ANKS1B: variants seen among roughly 807,000 people sequenced by gnomAD.
ANKS1B encodes ankyrin repeat and sterile alpha motif domain-containing protein 1B.
In ANKS1B, 36 loss-of-function variants were observed where a neutral mutation model predicts 148.3. That is an observed-to-expected ratio of 0.24 (90% confidence interval 0.19 to 0.32). ANKS1B has a LOEUF of 0.32. ANKS1B is among the 10% of genes least tolerant of loss of function. The pLI is 1.00. For synonymous variants in ANKS1B, 542 were observed against 560.8 expected (o/e 0.97, Z 0.47); for missense variants, 1,157 against 1,542.6 (o/e 0.75, Z 4.19).
At chr12:99,027,943 T>C (rs1002897393) in intron 17 of ANKS1B, among the ~76,000 whole-genome samples, 1 of 152,210 alleles carries the variant, frequency 6.6e-6, no homozygotes, top group Middle Eastern at 3.2e-3. Flanking sequence ...AGAGAATGCA[T>C]ATATCAAAAG....
At chr12:99,380,447 A>T (rs2093594282) in intron 12 of ANKS1B, among the ~76,000 whole-genome samples, 1 of 152,178 alleles carries the variant, frequency 6.6e-6, no homozygotes, top group East Asian at 1.9e-4. Context: ...TTCTAGAAAT[A>T]TTTAGGAAAC....
intron 8 of ANKS1B, among the ~76,000 whole-genome samples, chr12:99,675,708 A>T (rs2098560985): frequency 6.6e-6 from 1 of 151,926 alleles, no homozygotes; most frequent in Non-Finnish European, 1.5e-5. Context: ...TTTTTACTCA[A>T]GGATATTTAT....
intron 4 of ANKS1B, among the ~76,000 whole-genome samples, chr12:99,794,608 C>T (rs1439354482): frequency 6.6e-6 from 1 of 151,804 alleles, no homozygotes; most frequent in Non-Finnish European, 1.5e-5. Flanking sequence ...GAAAGACAGA[C>T]ATCACATGTT....
At chr12:99,335,908 T>C (rs1159229259) in intron 12 of ANKS1B, among the ~76,000 whole-genome samples, 1 of 152,112 alleles carries the variant, frequency 6.6e-6, no homozygotes. Context: ...CATATGATAG[T>C]TCTAGTTTTA....
chr12:99,603,051 C>A (rs954617380), intron 9 of ANKS1B, among the ~76,000 whole-genome samples: 3 of 151,958 alleles, frequency 2.0e-5, no homozygotes, highest in African/African-American at 7.2e-5. Flanking sequence ...TATTTATTGA[C>A]CATTTTCTTT....
At chr12:98,812,114 A>T (rs2099101228) in intron 19 of ANKS1B, among the ~76,000 whole-genome samples, 1 of 152,226 alleles carries the variant, frequency 6.6e-6, no homozygotes, top group African/African-American at 2.4e-5. Flanking sequence ...TAAAACCTCT[A>T]TAATTTCTAA....
chr12:99,658,096 C>T (rs1004710687), intron 8 of ANKS1B, among the ~76,000 whole-genome samples: 5 of 152,078 alleles, frequency 3.3e-5, no homozygotes, highest in African/African-American at 1.2e-4. Context: ...TTACCCTTGC[C>T]TAATCATGCT....
intron 8 of ANKS1B, among the ~76,000 whole-genome samples, chr12:99,752,413 G>C (rs956976288): frequency 1.3e-5 from 2 of 151,806 alleles, no homozygotes; most frequent in Non-Finnish European, 2.9e-5. Flanking sequence ...CATAAAACAT[G>C]GAAATGCCTC....
intron 4 of ANKS1B, among the ~76,000 whole-genome samples, chr12:99,783,207 A>G (rs957552108): frequency 1.8e-4 from 27 of 151,076 alleles, no homozygotes; most frequent in African/African-American, 5.8e-4. Context: ...AAAAAAAAAG[A>G]AAAGAAAAAG....
intron 26 of ANKS1B, among the ~76,000 whole-genome samples, chr12:98,746,159 G>GCAC (rs2097886414): frequency 6.6e-6 from 1 of 152,186 alleles, no homozygotes; most frequent in Non-Finnish European, 1.5e-5. Flanking sequence ...CACCATGTGG[G>GCAC]CACACACACC....
At chr12:99,007,511 A>G (rs2099936825) in intron 17 of ANKS1B, among the ~76,000 whole-genome samples, 1 of 152,130 alleles carries the variant, frequency 6.6e-6, no homozygotes, top group South Asian at 2.1e-4. Context: ...GAATCTCCCA[A>G]CTCTTCTAGA....
chr12:99,660,164 G>T lies in ANKS1B; in HGVS notation c.1129-4954C>A, dbSNP rs1221832277. ...AAATTTAAAGTAATACATGCTTATT[G>T]TAAAACAAATCATTCATAATGAAAA... On this transcript the variant is annotated intron_variant, in intron 8 of 26. Transcript: ENST00000683438. Among the ~76,000 whole-genome samples, 3 of 152,134 alleles carry T rather than the reference G, an allele frequency of 2.0e-5. No individual in the cohort carries two copies. The East Asian group carries it at 5.8e-4, about 29-fold the overall frequency.
intron 1 of ANKS1B, among the ~76,000 whole-genome samples, chr12:99,940,011 T>C (rs886570242): frequency 2.0e-5 from 3 of 152,206 alleles, no homozygotes; most frequent in Admixed American, 6.5e-5. Context: ...CGTACTTTCA[T>C]TGACAATTTA....
intron 8 of ANKS1B, among the ~76,000 whole-genome samples, chr12:99,707,034 A>C (rs2055904293): frequency 6.6e-6 from 1 of 152,172 alleles, no homozygotes; most frequent in Non-Finnish European, 1.5e-5. Context: ...GACACACGAA[A>C]CTGTGAGATA....
rs1292278020 is a variant in ANKS1B at position 99,584,501 on chromosome 12, G to T, written c.1272+70566C>A. Reference sequence around the variant, plus strand: ...GTAGTCCCAACTACTGGGAGGCTGAGTTAAAGGATTGTTTGAGCCCAGGAG... The same window carrying T: ...GTAGTCCCAACTACTGGGAGGCTGATTTAAAGGATTGTTTGAGCCCAGGAG... On this transcript the variant is annotated intron_variant, in intron 9 of 26. Transcript: ENST00000683438. 2.0e-5 allele frequency among the ~76,000 whole-genome samples: 3 copies of T among 152,114 alleles called. No individual in the cohort carries two copies. The East Asian group carries it at 5.8e-4, about 29-fold the overall frequency.
At chr12:99,713,634 G>C (rs1222103158) in intron 8 of ANKS1B, among the ~76,000 whole-genome samples, 1 of 152,058 alleles carries the variant, frequency 6.6e-6, no homozygotes, top group African/African-American at 2.4e-5. Flanking sequence ...TTCCATCTGG[G>C]CCATTATGAG....
In ANKS1B at chr12:99,435,142, T is replaced by G. The variant is rs73373987; in HGVS notation, c.1575+8531A>C. Among the ~76,000 whole-genome samples, 479 of 152,238 alleles carry G rather than the reference T, an allele frequency of 3.1e-3. 2 individuals are homozygous for G. Among genetic ancestry groups the G allele is most frequent in the African/African-American group, 1.0e-2 (414 of 41,562 alleles). The stretch of plus-strand genomic sequence containing the variant: ...CCACTATATGGATTGAAGGTGATTT[T>G]AATCATCAATGGAAGATACAATGTA... On this transcript the variant is annotated intron_variant, in intron 11 of 26. Transcript: ENST00000683438.
At chr12:98,762,462 G>C (rs1044212828) in intron 25 of ANKS1B, among the ~76,000 whole-genome samples, 2 of 152,204 alleles carry the variant, frequency 1.3e-5, no homozygotes, top group Non-Finnish European at 1.5e-5. Flanking sequence ...AGCTCAGAGA[G>C]GCAGTCACCA....
intron 16 of ANKS1B, among the ~76,000 whole-genome samples, chr12:99,071,609 T>C (rs1378430445): frequency 6.6e-6 from 1 of 152,042 alleles, no homozygotes; most frequent in Non-Finnish European, 1.5e-5. Flanking sequence ...GACAGGAAGA[T>C]CTCTCTGTAT....
Sources: gnomAD v4.1 joint callset for allele counts (sites outside exome capture counted in the v4.1 genomes callset) on GRCh38, gnomAD v4.1.1 for gene constraint, MANE v1.5 for transcripts, NCBI Gene and HGNC (gene_info 2026-07-23, HGNC 2026-07-21) for gene names.